The following PCDHGB7 variants were observed in gnomAD, a reference collection of about 807,000 sequenced individuals.
PCDHGB7 encodes the protein protocadherin gamma subfamily B, 7, also known as protocadherin gamma-B7.
PCDHGB7 carries 37 observed loss-of-function variants against 61.4 expected under a neutral mutation model. The ratio of observed to expected loss-of-function variants is 0.60; its 90% CI spans 0.46 to 0.79. PCDHGB7 has a LOEUF of 0.79. Among genes scored for constraint, PCDHGB7 ranks in the 30% least tolerant of loss-of-function variants. PCDHGB7 has a pLI of 0.00. For synonymous variants in PCDHGB7, 464 were observed against 503.5 expected (o/e 0.92, Z 1.05); for missense variants, 1,166 against 1,202.5 (o/e 0.97, Z 0.45).
At chr5:141,461,291 C>A (rs892436619) in intron 1 of PCDHGB7, among the ~76,000 whole-genome samples, 1 of 152,128 alleles carries the variant, frequency 6.6e-6, no homozygotes, top group African/African-American at 2.4e-5. Flanking sequence ...CACATCCACA[C>A]CAACATCTAT....
intron 3 of PCDHGB7, among the ~76,000 whole-genome samples, chr5:141,506,948 G>A (rs949082646): frequency 6.6e-6 from 1 of 152,162 alleles, no homozygotes; most frequent in Non-Finnish European, 1.5e-5. Flanking sequence ...TCCTGTCAAT[G>A]AATCCTCTCA....
intron 1 of PCDHGB7, chr5:141,421,909 C>T: frequency 1.9e-6 from 3 of 1,613,710 alleles, no homozygotes; most frequent in Non-Finnish European, 2.5e-6. Context: ...GGGCGCAGTT[C>T]CCATTCGTGT....
chr5:141,422,331 T>C (rs768333038), intron 1 of PCDHGB7: 1 of 1,548,508 alleles, frequency 6.5e-7, no homozygotes, highest in South Asian at 1.3e-5. Context: ...CAGTGATTGC[T>C]CTTCTAAATG....
rs754225999 is a variant in PCDHGB7, at chr5:141,489,509, T to C, written c.2416-5298T>C. The C allele has an allele frequency of 1.2e-6, 2 of 1,614,062 alleles. No homozygotes were observed. The highest frequency in any genetic ancestry group is 1.1e-5 in the South Asian group (1 of 91,074). On this transcript the variant is annotated intron_variant, in intron 1 of 3. Coordinates refer to ENST00000398594, the MANE Select transcript of PCDHGB7 (RefSeq NM_018927.4). The surrounding 1 kb of genome is among the most constrained non-coding windows in gnomAD (Gnocchi z 4.5). ...GGTGCCCTGGCAGTGAATCAAAAGA[T>C]TGACCGAGAAAGCCTATGTGGAGCC...
chr5:141,453,546 C>T lies in PCDHGB7; in HGVS notation c.2415+33272C>T, dbSNP rs116481133. Among the ~76,000 whole-genome samples, 695 of 152,296 alleles carry T rather than the reference C, an allele frequency of 4.6e-3. 4 individuals are homozygous for T. Among genetic ancestry groups the T allele is most frequent in the African/African-American group, 0.015 (634 of 41,558 alleles). On this transcript the variant is annotated intron_variant, in intron 1 of 3. Transcript: ENST00000398594. ...TACCTTCTGCCTCATTCACACCACA[C>T]TCTGTAGATAATCGATTTCATTAGT...
chr5:141,510,252 G>A (rs1342841474), intron 3 of PCDHGB7, among the ~76,000 whole-genome samples: 4 of 148,432 alleles, frequency 2.7e-5, no homozygotes, highest in Admixed American at 1.3e-4. Context: ...CAGGCTGGGC[G>A]ACAGAGCAGG....
At chr5:141,465,775 T>TA (rs2099108994) in intron 1 of PCDHGB7, among the ~76,000 whole-genome samples, 1 of 152,030 alleles carries the variant, frequency 6.6e-6, no homozygotes, top group African/African-American at 2.4e-5. Context: ...CATCTCTTGT[T>TA]ACAGTTTTTT....
intron 3 of PCDHGB7, among the ~76,000 whole-genome samples, chr5:141,509,429 T>G (rs2099876771): frequency 6.6e-6 from 1 of 151,964 alleles, no homozygotes; most frequent in Non-Finnish European, 1.5e-5. Context: ...TGAGTCAAAC[T>G]CTTGTTTCCT....
chr5:141,457,441 G>A (rs941085406), intron 1 of PCDHGB7, among the ~76,000 whole-genome samples: 1 of 152,134 alleles, frequency 6.6e-6, no homozygotes, highest in African/African-American at 2.4e-5. Flanking sequence ...CCAAGCTGCA[G>A]AAGATCACCA....
chr5:141,495,323 G>C (rs1029646773), intron 2 of PCDHGB7, among the ~76,000 whole-genome samples: 2 of 152,214 alleles, frequency 1.3e-5, no homozygotes, highest in African/African-American at 4.8e-5. Context: ...AGCCGAGGCT[G>C]ACTGCAGCCT....
At chr5:141,422,690 T>C (rs1384522137) in intron 1 of PCDHGB7, 1 of 1,603,790 alleles carries the variant, frequency 6.2e-7, no homozygotes, top group African/African-American at 1.3e-5. Flanking sequence ...AATGCCCTGG[T>C]CACTTACTCT....
At chr5:141,428,407 T>C in intron 1 of PCDHGB7, 1 of 470,350 alleles carries the variant, frequency 2.1e-6, no homozygotes, top group South Asian at 2.0e-5. Context: ...CTGGGGTTGC[T>C]TTCACCCTGG....
chr5:141,430,617 C>G, intron 1 of PCDHGB7: 1 of 715,450 alleles, frequency 1.4e-6, no homozygotes, highest in South Asian at 3.9e-5. Context: ...AAGCAGATAG[C>G]TAGGAATGAA....
At chr5:141,433,332 T>C (rs1344429296) in intron 1 of PCDHGB7, 7 of 694,580 alleles carry the variant, frequency 1.0e-5, no homozygotes, top group Non-Finnish European at 1.7e-5. Context: ...TAACAGGGAC[T>C]ACAGGTGCAA....
rs141556649 is a variant in PCDHGB7 at position 141,492,225 on chromosome 5, C to T, written c.2416-2582C>T. ...GTGTGCGCGCGGGGCTCATGCGTGT[C>T]CTCCCTGCTGGCCACCCCCACGGCC... On this transcript the variant is annotated intron_variant, in intron 1 of 3. Transcript: ENST00000398594. Among the ~76,000 whole-genome samples the T allele has an allele frequency of 2.4e-3, 361 of 152,274 alleles. No individual in the cohort carries two copies. In the Middle Eastern group the frequency reaches 0.024, roughly 10 times the overall value.
In PCDHGB7 at chr5:141,419,475, C is replaced by T. The variant is rs775720158; in HGVS notation, c.1616C>T (p.Ser539Leu). Residue 539 changes from serine (S) to leucine (L), a missense_variant, in exon 1 of 4, where the codon TCG becomes TTG. Physicochemically the swap from Ser to Leu is moderately radical, Grantham distance 145 (BLOSUM62 -2). Coordinates refer to ENST00000398594, the MANE Select transcript of PCDHGB7 (RefSeq NM_018927.4). ...ELTLQARDQG[S>L]PALSANVSLR... is the part of the protein sequence containing the mutation. Reference sequence around the variant, plus strand: ...ACGCTGCAGGCCCGCGACCAGGGCTCGCCCGCGCTCAGCGCCAATGTGAGC... The same window carrying T: ...ACGCTGCAGGCCCGCGACCAGGGCTTGCCCGCGCTCAGCGCCAATGTGAGC... The T allele has an allele frequency of 4.6e-5, 74 of 1,612,266 alleles. No homozygotes were observed. The highest frequency in any genetic ancestry group is 5.9e-5 in the Non-Finnish European group (70 of 1,179,514).
chr5:141,494,921 A>C (rs1345734925), intron 2 of PCDHGB7, 56 bp downstream of exon 2: 6 of 1,613,556 alleles, frequency 3.7e-6, no homozygotes, highest in Non-Finnish European at 5.1e-6. Flanking sequence ...CTCAGGGATG[A>C]CGTGGGAGGA....
rs200899065 is a variant in PCDHGB7 at position 141,419,739 on chromosome 5, G to A, written c.1880G>A (p.Arg627His). 179 of 1,613,652 alleles carry A rather than the reference G, an allele frequency of 1.1e-4. No individual in the cohort carries two copies. The highest frequency in any genetic ancestry group is 2.5e-4 in the Admixed American group (15 of 60,018). ...FSLGLRTGEV[R>H]MVRALGDKDS... Reference sequence around the variant, plus strand: ...CTGGGGCTGCGAACAGGCGAGGTGCGCATGGTGCGTGCTTTGGGTGACAAG... The same window carrying A: ...CTGGGGCTGCGAACAGGCGAGGTGCACATGGTGCGTGCTTTGGGTGACAAG... The change falls in exon 1 of 4, where the codon CGC becomes CAC. Residue 627 changes from arginine to histidine, a missense_variant. Coordinates refer to ENST00000398594, the MANE Select transcript of PCDHGB7 (RefSeq NM_018927.4).
At chr5:141,494,195 C>T in intron 1 of PCDHGB7, among the ~76,000 whole-genome samples, 1 of 152,188 alleles carries the variant, frequency 6.6e-6, no homozygotes, top group Non-Finnish European at 1.5e-5. Flanking sequence ...GACTTGGATG[C>T]CCCGCAAAGG....
Sources: gnomAD v4.1 joint callset for allele counts (sites outside exome capture counted in the v4.1 genomes callset) on GRCh38, gnomAD v4.1.1 for gene constraint, Gnocchi (gnomAD v3.1) non-coding constraint, MANE v1.5 for transcripts, NCBI Gene and HGNC (gene_info 2026-07-23, HGNC 2026-07-21) for gene names.